DCHS2: variants seen among roughly 807,000 people sequenced by gnomAD.
DCHS2 encodes protocadherin-23.
Under a neutral mutation model 182.4 loss-of-function variants are expected in DCHS2, and 142 were observed. The observed-to-expected ratio is 0.78, with a 90% CI of 0.68 to 0.89. The LOEUF (loss-of-function observed/expected upper bound fraction) is 0.89, where lower values mean the gene tolerates loss of function less well. Among genes scored for constraint, DCHS2 ranks in the 40% least tolerant of loss-of-function variants. The pLI, the probability that DCHS2 is intolerant of heterozygous loss-of-function variation, is 0.00. For missense variants in DCHS2, 4,319 were observed against 4,198.6 expected, an observed-to-expected ratio of 1.03 and a Z score of -0.79; for synonymous variants, 1,740 against 1,663.3, an observed-to-expected ratio of 1.05 and a Z score of -1.12.
chr4:154,255,691 C>G lies in DCHS2; in HGVS notation c.6790-21G>C, dbSNP rs570504653. The G allele has an allele frequency of 3.1e-6, 5 of 1,608,766 alleles. No homozygotes were observed. In the East Asian group the frequency reaches 9.0e-5, roughly 29 times the overall value. ...AAAACCTGTGAGGAACCGACTGTTT[C>G]ATTAGATAAGATTTATTCTGCAATA... On this transcript the variant is annotated intron_variant, in intron 15 of 19. Coordinates refer to ENST00000357232, the MANE Select transcript of DCHS2 (RefSeq NM_001358235.2).
intron 10 of DCHS2, among the ~76,000 whole-genome samples, chr4:154,313,545 G>C (rs906084672): frequency 2.0e-5 from 3 of 151,862 alleles, no homozygotes; most frequent in Admixed American, 6.6e-5. Context: ...ATAAATTCCA[G>C]TGTAATGCCA....
chr4:154,238,401 A>G (rs1731639816), intron 19 of DCHS2, among the ~76,000 whole-genome samples: 1 of 152,210 alleles, frequency 6.6e-6, no homozygotes, highest in Non-Finnish European at 1.5e-5. Flanking sequence ...AGAGATGGGG[A>G]ACACAGAGTG....
chr4:154,268,234 C>T (rs1560998421), intron 14 of DCHS2, among the ~76,000 whole-genome samples: 36 of 129,794 alleles, frequency 2.8e-4, no homozygotes, highest in African/African-American at 1.0e-3. Context: ...TCACTTTCCC[C>T]CCCCCAAAAA....
chr4:154,431,113 A>T (rs1733540542), intron 1 of DCHS2, among the ~76,000 whole-genome samples: 1 of 152,032 alleles, frequency 6.6e-6, no homozygotes, highest in Non-Finnish European at 1.5e-5. Context: ...ATCTGCTGAG[A>T]TTTTTCTTGG....
intron 7 of DCHS2, among the ~76,000 whole-genome samples, chr4:154,324,141 T>C (rs986425971): frequency 2.6e-5 from 4 of 152,208 alleles, no homozygotes; most frequent in Non-Finnish European, 4.4e-5. Context: ...AATTTTGTCT[T>C]GCTTTTGTTT....
chr4:154,344,155 C>T (rs1172757798), intron 3 of DCHS2, among the ~76,000 whole-genome samples: 3 of 152,034 alleles, frequency 2.0e-5, no homozygotes. Flanking sequence ...CATCCCCAAA[C>T]AATTACAATA....
At chr4:154,240,382 C>T (rs1027710222) in intron 18 of DCHS2, among the ~76,000 whole-genome samples, 155 bp downstream of exon 18, 12 of 151,882 alleles carry the variant, frequency 7.9e-5, no homozygotes, top group Admixed American at 7.2e-4. Context: ...TTATAGACTC[C>T]GTGATATTAA....
At chr4:154,391,025 C>T (rs1482080891) in intron 1 of DCHS2, 2 of 673,482 alleles carry the variant, frequency 3.0e-6, no homozygotes, top group East Asian at 5.6e-5. Context: ...TGAGAGGATC[C>T]TAGCTAAGTA....
At position 154,366,458 on chromosome 4, in the gene DCHS2, T is replaced by C; in HGVS notation, c.2245-17A>G. 1 of 1,575,682 alleles carries C rather than the reference T, an allele frequency of 6.3e-7. No homozygotes were observed. Among genetic ancestry groups the C allele is most frequent in the Non-Finnish European group, 8.7e-7 (1 of 1,147,942 alleles). ...TAGCCCACCCTGGTGGATGAATGAG[T>C]GGTGATTACAAATGGGTTTTTGCTG... is the stretch of plus-strand genomic sequence containing the variant. On this transcript the variant is annotated splice_polypyrimidine_tract_variant and intron_variant, in intron 2 of 19. Coordinates refer to ENST00000357232, the MANE Select transcript of DCHS2 (RefSeq NM_001358235.2).
rs903064255 is a variant in DCHS2, at chr4:154,322,337, A to G, written c.4170T>C (p.Asn1390=). 7 of 1,613,372 alleles carry G rather than the reference A, an allele frequency of 4.3e-6. No individual in the cohort carries two copies. The highest frequency in any genetic ancestry group is 2.2e-5 in the East Asian group (1 of 44,840). ...VPPLQGQAVV[N]IQVIPLSKGR... The stretch of plus-strand genomic sequence containing the variant: ...TTTATGGTGACAACATTACCTGAAT[A>G]TTAACAACTGCCTGTCCTTGAAGAG... Residue 1390 remains asparagine, a synonymous_variant, in exon 8 of 20, where the codon AAT becomes AAC. Transcript: ENST00000357232.
chr4:154,356,056 C>T (rs1239283973), intron 3 of DCHS2, among the ~76,000 whole-genome samples: 1 of 152,112 alleles, frequency 6.6e-6, no homozygotes, highest in South Asian at 2.1e-4. Context: ...TTTCAGAATG[C>T]ATTGCTATCA....
In DCHS2 at chr4:154,430,509, G is replaced by C. The variant is rs988592072; in HGVS notation, c.2053-53065C>G. Among the ~76,000 whole-genome samples the C allele has an allele frequency of 5.6e-4, 85 of 152,262 alleles. 1 individual carries two copies. The highest frequency in any genetic ancestry group is 1.9e-3 in the African/African-American group (79 of 41,540). On this transcript the variant is annotated intron_variant, in intron 1 of 19. Coordinates refer to ENST00000357232, the MANE Select transcript of DCHS2 (RefSeq NM_001358235.2). ...AATATGACCCCACAGGATCCTCCCTGGGGAACGTGGGAAATAATTCCCCTG... is the reference window on the plus strand; with the variant it reads ...AATATGACCCCACAGGATCCTCCCTCGGGAACGTGGGAAATAATTCCCCTG...
intron 13 of DCHS2, among the ~76,000 whole-genome samples, chr4:154,273,642 T>A (rs189682872): frequency 7.7e-4 from 117 of 151,940 alleles, no homozygotes; most frequent in African/African-American, 2.7e-3. Flanking sequence ...AAAACAAATA[T>A]GTATACATAG....
intron 1 of DCHS2, among the ~76,000 whole-genome samples, chr4:154,378,722 G>A (rs995563403): frequency 3.3e-5 from 5 of 152,154 alleles, no homozygotes; most frequent in African/African-American, 1.2e-4. Flanking sequence ...ACGAATAAGT[G>A]TCAAAACTGA....
chr4:154,478,942 G>A lies in DCHS2; in HGVS notation c.2052+10362C>T, dbSNP rs1579120700. Among the ~76,000 whole-genome samples the A allele has an allele frequency of 2.6e-5, 4 of 152,178 alleles. No homozygotes were observed. In the South Asian group the frequency reaches 8.3e-4, roughly 32 times the overall value. On this transcript the variant is annotated intron_variant, in intron 1 of 19. Transcript: ENST00000357232. ...ACAATGTCCGGAATACAAGGAAAAA[G>A]TATTCAATATCTGAAAAACTAGAGA...
At chr4:154,456,719 G>A (rs761740462) in intron 1 of DCHS2, among the ~76,000 whole-genome samples, 3 of 152,164 alleles carry the variant, frequency 2.0e-5, no homozygotes, top group African/African-American at 4.8e-5. Context: ...CAAGGAAGAC[G>A]TTCTATAAAA....
chr4:154,374,116 C>T (rs1362374438), intron 2 of DCHS2: 3 of 609,576 alleles, frequency 4.9e-6, no homozygotes, highest in South Asian at 4.5e-5. Context: ...GAGCACTGTG[C>T]TTTCCAGGCT....
At chr4:154,357,378 A>G in intron 3 of DCHS2, 1 of 1,151,478 alleles carries the variant, frequency 8.7e-7, no homozygotes, top group Non-Finnish European at 1.3e-6. Context: ...CAAAAAGAAA[A>G]AGCAGGTAAG....
intron 1 of DCHS2, chr4:154,486,433 T>C: frequency 7.7e-7 from 1 of 1,304,698 alleles, no homozygotes; most frequent in Non-Finnish European, 1.0e-6. Flanking sequence ...GGTATTATCT[T>C]ACAGGAAATC....
Sources: gnomAD v4.1 joint callset for allele counts (sites outside exome capture counted in the v4.1 genomes callset) on GRCh38, gnomAD v4.1.1 for gene constraint, MANE v1.5 for transcripts, NCBI Gene and HGNC (gene_info 2026-07-23, HGNC 2026-07-21) for gene names.